Variants in MTHFD1L observed in about 807,000 individuals in gnomAD.
MTHFD1L encodes the protein monofunctional C1-tetrahydrofolate synthase, mitochondrial.
Under a neutral mutation model 119.5 loss-of-function variants are expected in MTHFD1L, and 81 were observed. The observed-to-expected ratio is 0.68, with a 90% CI of 0.57 to 0.82. The LOEUF is 0.82. Among genes scored for constraint, MTHFD1L ranks in the 40% least tolerant of loss-of-function variants. The pLI, the probability that MTHFD1L is intolerant of heterozygous loss-of-function variation, is 0.00. For missense variants in MTHFD1L, 1,125 were observed against 1,253.4 expected (o/e 0.90, Z 1.55); for synonymous variants, 430 against 475.2 (o/e 0.90, Z 1.24).
At chr6:150,960,688 T>C (rs1796305199) in intron 18 of MTHFD1L, among the ~76,000 whole-genome samples, 1 of 152,168 alleles carries the variant, frequency 6.6e-6, no homozygotes, top group Admixed American at 6.5e-5. Context: ...GATCTCTGCT[T>C]CTGCCTGGGC....
intron 26 of MTHFD1L, among the ~76,000 whole-genome samples, chr6:151,087,181 G>A (rs551483392): frequency 6.6e-6 from 1 of 151,928 alleles, no homozygotes; most frequent in Non-Finnish European, 1.5e-5. Context: ...CCCACGAGGC[G>A]GAGGCTGCAG....
chr6:150,949,421 C>A (rs1794532087), intron 16 of MTHFD1L, among the ~76,000 whole-genome samples: 1 of 151,934 alleles, frequency 6.6e-6, no homozygotes, highest in Non-Finnish European at 1.5e-5. Flanking sequence ...TCTCCTTTGG[C>A]CTCTTGTATC....
chr6:150,913,850 C>T (rs1357392593), intron 8 of MTHFD1L, among the ~76,000 whole-genome samples: 1 of 151,856 alleles, frequency 6.6e-6, no homozygotes, highest in African/African-American at 2.4e-5. Flanking sequence ...AAAAATTAAG[C>T]CCAGGTGCTG....
At chr6:150,929,988 C>T (rs1044034175) in intron 11 of MTHFD1L, among the ~76,000 whole-genome samples, 1 of 152,150 alleles carries the variant, frequency 6.6e-6, no homozygotes, top group South Asian at 2.1e-4. Context: ...GAAGAATGAA[C>T]AGCCCCTTCT....
chr6:151,095,144 T>C (rs1794796733), intron 27 of MTHFD1L, among the ~76,000 whole-genome samples: 1 of 152,226 alleles, frequency 6.6e-6, no homozygotes, highest in Admixed American at 6.5e-5. Flanking sequence ...CTTTGATCTT[T>C]GTTATTTCAG....
intron 11 of MTHFD1L, among the ~76,000 whole-genome samples, chr6:150,933,655 G>A (rs1035115238): frequency 6.6e-6 from 1 of 152,054 alleles, no homozygotes; most frequent in Non-Finnish European, 1.5e-5. Context: ...TGAATCCACC[G>A]ACCACTCTCG....
intron 24 of MTHFD1L, among the ~76,000 whole-genome samples, chr6:151,026,866 G>A (rs1216313706): frequency 1.9e-5 from 2 of 107,748 alleles, no homozygotes; most frequent in Admixed American, 1.5e-4. Context: ...GTCTTGCTGT[G>A]TCACCAGGCT....
At chr6:150,868,379 G>A (rs963302022) in intron 1 of MTHFD1L, among the ~76,000 whole-genome samples, 7 of 145,268 alleles carry the variant, frequency 4.8e-5, no homozygotes, top group African/African-American at 1.3e-4. Flanking sequence ...TCACTCTGTC[G>A]CACAGGTTGG....
intron 24 of MTHFD1L, chr6:151,022,217 CT>C: frequency 3.1e-6 from 1 of 321,298 alleles, no homozygotes; most frequent in East Asian, 8.1e-5. Flanking sequence ...TGTTGTTTTT[CT>C]GGTTGGTTCT....
intron 7 of MTHFD1L, among the ~76,000 whole-genome samples, chr6:150,890,551 C>T (rs78808369): frequency 1.3e-5 from 2 of 152,260 alleles, no homozygotes; most frequent in East Asian, 3.9e-4. Context: ...ATCTGAGTCA[C>T]GCGCACCAAA....
chr6:151,086,288 C>A (rs1345253136), intron 26 of MTHFD1L, among the ~76,000 whole-genome samples: 1 of 151,624 alleles, frequency 6.6e-6, no homozygotes, highest in Non-Finnish European at 1.5e-5. Flanking sequence ...CTCCCCTCAT[C>A]TCTCTCTCTC....
chr6:150,925,223 T>C (rs59776283), intron 10 of MTHFD1L, among the ~76,000 whole-genome samples: 21,520 of 152,086 alleles, frequency 0.14, 2,905 homozygotes, highest in African/African-American at 0.36. Flanking sequence ...AGCTGTCCTC[T>C]CTGATGCAAC....
intron 1 of MTHFD1L, among the ~76,000 whole-genome samples, chr6:150,870,545 C>G (rs969052075): frequency 6.6e-6 from 1 of 152,018 alleles, no homozygotes; most frequent in Admixed American, 6.6e-5. Context: ...TGTAGTTTCC[C>G]AGTGCATATA....
At chr6:151,079,456 T>G (rs1244674444) in intron 26 of MTHFD1L, among the ~76,000 whole-genome samples, 1 of 151,958 alleles carries the variant, frequency 6.6e-6, no homozygotes, top group African/African-American at 2.4e-5. Flanking sequence ...GTTTTTTGTT[T>G]GTTTGTTTGT....
At chr6:150,889,040 G>A (rs1157596692) in intron 7 of MTHFD1L, among the ~76,000 whole-genome samples, 1 of 152,194 alleles carries the variant, frequency 6.6e-6, no homozygotes, top group African/African-American at 2.4e-5. Context: ...AGCCGGGCGT[G>A]TCGGCGCAAG....
At chr6:151,014,015 C>A (rs1008857062) in intron 22 of MTHFD1L, among the ~76,000 whole-genome samples, 195 bp downstream of exon 22, 2 of 151,438 alleles carry the variant, frequency 1.3e-5, no homozygotes, top group Non-Finnish European at 2.9e-5. Context: ...GAGTTCAAGA[C>A]CAGCCAGGCA....
chr6:150,910,137 C>T (rs552498353), intron 8 of MTHFD1L, among the ~76,000 whole-genome samples: 42 of 151,576 alleles, frequency 2.8e-4, no homozygotes, highest in African/African-American at 5.1e-4. Flanking sequence ...GCCGAGATCA[C>T]GCCATTGCAC....
chr6:151,034,166 TAA>T (rs540927851), intron 24 of MTHFD1L, among the ~76,000 whole-genome samples: 3 of 143,854 alleles, frequency 2.1e-5, no homozygotes, highest in Admixed American at 1.4e-4. Flanking sequence ...GATACTGTCT[TAA>T]AAAAAAAAAA....
chr6:150,957,740 T>A (rs1417461271), intron 17 of MTHFD1L, among the ~76,000 whole-genome samples: 1 of 152,166 alleles, frequency 6.6e-6, no homozygotes, highest in Non-Finnish European at 1.5e-5. Flanking sequence ...ATTGGAAAGG[T>A]TGTAAAAACC....
Sources: gnomAD v4.1 joint callset for allele counts (sites outside exome capture counted in the v4.1 genomes callset) on GRCh38, gnomAD v4.1.1 for gene constraint, MANE v1.5 for transcripts, NCBI Gene and HGNC (gene_info 2026-07-23, HGNC 2026-07-21) for gene names.